Variants in FRMD6 observed in about 807,000 individuals in gnomAD.
FRMD6 encodes FERM domain-containing protein 6.
FRMD6 carries 37 observed loss-of-function variants against 73.2 expected under a neutral mutation model. That is an observed-to-expected ratio of 0.51 (90% confidence interval 0.39 to 0.66). FRMD6 has a LOEUF of 0.66. FRMD6 is among the 30% of genes least tolerant of loss of function. The probability of loss-of-function intolerance (pLI) is 0.00; values close to 1 mark genes in which losing one functional copy is unlikely to be tolerated. For synonymous variants in FRMD6, 273 were observed against 282.2 expected, an observed-to-expected ratio of 0.97 and a Z score of 0.33; for missense variants, 714 against 780.5, an observed-to-expected ratio of 0.91 and a Z score of 1.02.
the FRMD6 span, among the ~76,000 whole-genome samples, chr14:51,406,184 A>G: frequency 6.6e-6 from 1 of 152,098 alleles, no homozygotes; most frequent in Non-Finnish European, 1.5e-5. Context: ...CCACTGGTCT[A>G]TATCCCTGTT....
chr14:51,603,295 T>TA (rs375077009), intron 2 of FRMD6, among the ~76,000 whole-genome samples: 3 of 152,342 alleles, frequency 2.0e-5, no homozygotes, highest in African/African-American at 7.2e-5. Flanking sequence ...CTGAATGGAC[T>TA]AAGACAAGTG....
At chr14:51,519,858 G>C (rs1450723329) in intron 1 of FRMD6, among the ~76,000 whole-genome samples, 1 of 152,182 alleles carries the variant, frequency 6.6e-6, no homozygotes, top group Non-Finnish European at 1.5e-5. Context: ...CTTTGCCACA[G>C]ATACATTTCA....
At chr14:51,653,445 A>G (rs1359339758) in intron 1 of FRMD6, among the ~76,000 whole-genome samples, 3 of 151,956 alleles carry the variant, frequency 2.0e-5, no homozygotes. Context: ...TGTGGGGAAA[A>G]TTTTCCGTAA....
At chr14:51,554,472 A>C (rs1020065758) in intron 1 of FRMD6, among the ~76,000 whole-genome samples, 1 of 152,206 alleles carries the variant, frequency 6.6e-6, no homozygotes. Context: ...CCTTACAAAC[A>C]GTACCTCAAC....
At chr14:51,486,083 G>A (rs2140151493), upstream of FRMD6, among the ~76,000 whole-genome samples, 2 of 151,172 alleles carry the variant, frequency 1.3e-5, no homozygotes, top group Middle Eastern at 6.8e-3. Context: ...CACCCAGGCT[G>A]GAGTGCAGTG....
intron 2 of FRMD6, among the ~76,000 whole-genome samples, chr14:51,696,181 C>T (rs1031691556): frequency 6.6e-6 from 1 of 151,186 alleles, no homozygotes; most frequent in East Asian, 1.9e-4. Context: ...GAGTTGCTGC[C>T]TTTGCCACTA....
At chr14:51,588,903 G>A (rs927445477) in intron 2 of FRMD6, among the ~76,000 whole-genome samples, 8 of 152,140 alleles carry the variant, frequency 5.3e-5, no homozygotes, top group African/African-American at 9.7e-5. Flanking sequence ...GGGACTGTGC[G>A]CCACGGCTGA....
At chr14:51,643,671 G>A (rs1891915278) in intron 2 of FRMD6, 1 of 152,274 alleles carries the variant, frequency 6.6e-6, no homozygotes, top group South Asian at 2.1e-4. Flanking sequence ...GGGAGATGGT[G>A]ACAGTGGCAG....
chr14:51,623,566 G>A (rs952226805), intron 2 of FRMD6, among the ~76,000 whole-genome samples: 1 of 152,176 alleles, frequency 6.6e-6, no homozygotes, highest in Admixed American at 6.5e-5. Flanking sequence ...TCTCCAAGTA[G>A]AAAGCCACTT....
chr14:51,524,317 G>A (rs181313326), intron 1 of FRMD6, among the ~76,000 whole-genome samples: 96 of 152,090 alleles, frequency 6.3e-4, no homozygotes, highest in Admixed American at 1.4e-3. Context: ...AAAGATCTTA[G>A]CATAGTGCCA....
chr14:51,426,615 G>A, the FRMD6 span, among the ~76,000 whole-genome samples: 1 of 152,156 alleles, frequency 6.6e-6, no homozygotes, highest in Non-Finnish European at 1.5e-5. Flanking sequence ...CACAAGTAAT[G>A]TATAACCTTG....
chr14:51,427,380 C>A, the FRMD6 span, among the ~76,000 whole-genome samples: 2 of 152,176 alleles, frequency 1.3e-5, no homozygotes, highest in South Asian at 4.1e-4. Flanking sequence ...GAAAGAGGTA[C>A]AATTTGGCTT....
At chr14:51,553,313 C>T (rs1230071440) in intron 1 of FRMD6, among the ~76,000 whole-genome samples, 1 of 152,178 alleles carries the variant, frequency 6.6e-6, no homozygotes, top group African/African-American at 2.4e-5. Flanking sequence ...CTTAACTCTG[C>T]AGGATGGGAA....
chr14:51,473,582 A>G, the FRMD6 span, among the ~76,000 whole-genome samples: 1 of 152,128 alleles, frequency 6.6e-6, no homozygotes, highest in Non-Finnish European at 1.5e-5. Flanking sequence ...CTTTCATATG[A>G]AGGTATTACC....
intron 2 of FRMD6, among the ~76,000 whole-genome samples, chr14:51,580,426 T>C (rs1888655747): frequency 6.6e-6 from 1 of 152,212 alleles, no homozygotes. Flanking sequence ...TCTCAATTAT[T>C]TCTTATATTA....
intron 12 of FRMD6, among the ~76,000 whole-genome samples, chr14:51,723,327 G>A (rs1466673846): frequency 6.6e-6 from 1 of 152,152 alleles, no homozygotes; most frequent in African/African-American, 2.4e-5. Flanking sequence ...AGGGAGGTAT[G>A]AGGGAAGCTG....
intron 2 of FRMD6, among the ~76,000 whole-genome samples, chr14:51,640,837 A>C (rs1891776922): frequency 6.6e-6 from 1 of 152,230 alleles, no homozygotes; most frequent in African/African-American, 2.4e-5. Context: ...TTCATCTATT[A>C]AATATATTTC....
intron 2 of FRMD6, among the ~76,000 whole-genome samples, chr14:51,617,778 A>T (rs552364217): frequency 3.6e-4 from 55 of 152,288 alleles, no homozygotes; most frequent in African/African-American, 1.3e-3. Flanking sequence ...AGGAACTTAA[A>T]CCACCTTTCC....
the FRMD6 span, among the ~76,000 whole-genome samples, chr14:51,420,210 G>A: frequency 2.0e-5 from 3 of 152,186 alleles, no homozygotes; most frequent in Non-Finnish European, 2.9e-5. Flanking sequence ...GACTGTATAT[G>A]AGAGAGAAAT....
Sources: allele counts gnomAD v4.1 joint callset (sites outside exome capture counted in the v4.1 genomes callset), GRCh38; gene constraint gnomAD v4.1.1; transcripts MANE v1.5; gene names NCBI Gene and HGNC (gene_info 2026-07-23, HGNC 2026-07-21).